COL25A1: variants seen among roughly 807,000 people sequenced by gnomAD.
The protein encoded by COL25A1 is collagen type XXV alpha 1 chain, also known as collagen alpha-1(XXV) chain.
Under a neutral mutation model 128.4 loss-of-function variants are expected in COL25A1, and 103 were observed. The observed-to-expected ratio is 0.80, with a 90% CI of 0.68 to 0.94. The LOEUF (loss-of-function observed/expected upper bound fraction) is 0.94, where lower values mean the gene tolerates loss of function less well. Among genes scored for constraint, COL25A1 ranks in the 40% least tolerant of loss-of-function variants. The pLI is 0.00. For missense variants in COL25A1, 745 were observed against 840.0 expected (o/e 0.89, Z 1.40); for synonymous variants, 279 against 277.2 (o/e 1.01, Z -0.06).
At chr4:108,999,427 C>T (rs529340869) in intron 6 of COL25A1, among the ~76,000 whole-genome samples, 28 of 152,340 alleles carry the variant, frequency 1.8e-4, no homozygotes, top group African/African-American at 6.0e-4. Flanking sequence ...TACCATCTCA[C>T]ACCAGTTAGA....
chr4:109,002,126 T>C (rs1425359), intron 6 of COL25A1, among the ~76,000 whole-genome samples: 122,155 of 152,194 alleles, frequency 0.8, 50,024 homozygotes, highest in East Asian at 1. Flanking sequence ...TCAATTAGTA[T>C]AACCATCATG....
intron 31 of COL25A1, among the ~76,000 whole-genome samples, chr4:108,840,373 C>T (rs1033017827): frequency 7.2e-5 from 11 of 152,086 alleles, no homozygotes; most frequent in Non-Finnish European, 1.0e-4. Flanking sequence ...TCTGACCCCC[C>T]CTCCCAGATA....
At chr4:108,890,606 T>G (rs1578673507) in intron 16 of COL25A1, among the ~76,000 whole-genome samples, 1 of 152,288 alleles carries the variant, frequency 6.6e-6, no homozygotes, top group Admixed American at 6.5e-5. Flanking sequence ...CTTCTAGCCC[T>G]CTCTGTCTCA....
chr4:109,070,360 ATCT>A (rs1024818038), intron 3 of COL25A1, among the ~76,000 whole-genome samples: 2 of 103,420 alleles, frequency 1.9e-5, no homozygotes, highest in African/African-American at 6.2e-5. Context: ...ACATTTTTTA[ATCT>A]TTTTTTTTTT....
intron 3 of COL25A1, among the ~76,000 whole-genome samples, chr4:109,112,694 T>C (rs1767141941): frequency 6.6e-6 from 1 of 152,108 alleles, no homozygotes; most frequent in African/African-American, 2.4e-5. Context: ...AAAGTAAATT[T>C]TATGTTTAAG....
intron 3 of COL25A1, among the ~76,000 whole-genome samples, chr4:109,093,659 T>C (rs890199350): frequency 1.6e-4 from 24 of 151,804 alleles, no homozygotes; most frequent in African/African-American, 5.8e-4. Flanking sequence ...AAAAAAAAGA[T>C]ACACACAGCC....
chr4:108,891,451 T>C (rs1741491320), intron 16 of COL25A1, among the ~76,000 whole-genome samples: 2 of 152,154 alleles, frequency 1.3e-5, no homozygotes, highest in Non-Finnish European at 2.9e-5. Flanking sequence ...ATAAAAAGAA[T>C]ATTTATTTCT....
intron 6 of COL25A1, among the ~76,000 whole-genome samples, chr4:108,996,350 A>C (rs1051129492): frequency 1.3e-5 from 2 of 152,096 alleles, no homozygotes; most frequent in Non-Finnish European, 1.5e-5. Flanking sequence ...GACAGACTTT[A>C]AAACAACAAA....
Position 109,297,336 on chromosome 4 carries a change from A to G in COL25A1, c.367+3247T>C. ...CTGCAATAGGCTATTTAAAATTGAAAAGGAGTCACATAATTAAGCTACTTC... is the reference window on the plus strand; with the variant it reads ...CTGCAATAGGCTATTTAAAATTGAAGAGGAGTCACATAATTAAGCTACTTC... On this transcript the variant is annotated intron_variant, in intron 3 of 37. Transcript: ENST00000399132. Among the ~76,000 whole-genome samples the G allele has an allele frequency of 1.3e-5, 2 of 152,120 alleles. 1 individual carries two copies. Among genetic ancestry groups the G allele is most frequent in the East Asian group, 3.8e-4 (2 of 5,196 alleles).
chr4:109,014,302 GTC>G, intron 5 of COL25A1, among the ~76,000 whole-genome samples: 1 of 110,064 alleles, frequency 9.1e-6, no homozygotes, highest in South Asian at 2.8e-4. Context: ...GTGACACTCT[GTC>G]TCAAAAAAAA....
chr4:109,100,988 T>C (rs950987271), intron 3 of COL25A1, among the ~76,000 whole-genome samples: 1 of 152,212 alleles, frequency 6.6e-6, no homozygotes, highest in African/African-American at 2.4e-5. Flanking sequence ...TAGCTAGCTA[T>C]TTCTGGTCTC....
intron 13 of COL25A1, among the ~76,000 whole-genome samples, chr4:108,910,020 G>C (rs932738374): frequency 1.3e-5 from 2 of 152,128 alleles, no homozygotes; most frequent in Non-Finnish European, 2.9e-5. Flanking sequence ...ACATATCTGG[G>C]GAGGGCCCAT....
At chr4:108,926,011 T>G (rs1325077444) in intron 11 of COL25A1, among the ~76,000 whole-genome samples, 2 of 152,188 alleles carry the variant, frequency 1.3e-5, no homozygotes, top group African/African-American at 2.4e-5. Context: ...AAAGAATGAC[T>G]CTGTGACCAT....
chr4:109,145,746 C>A (rs1473558681), intron 3 of COL25A1, among the ~76,000 whole-genome samples: 1 of 152,102 alleles, frequency 6.6e-6, no homozygotes, highest in Non-Finnish European at 1.5e-5. Context: ...GAGGCTGAAG[C>A]AGGAGAATCA....
At chr4:109,042,981 A>C (rs533365136) in intron 5 of COL25A1, among the ~76,000 whole-genome samples, 10 of 152,248 alleles carry the variant, frequency 6.6e-5, no homozygotes, top group African/African-American at 2.4e-4. Context: ...GTATCACTTA[A>C]AACTTACTTG....
chr4:108,905,729 A>G (rs1406075499), intron 13 of COL25A1, among the ~76,000 whole-genome samples: 3 of 152,070 alleles, frequency 2.0e-5, no homozygotes, highest in African/African-American at 7.2e-5. Context: ...AAAACCAAGG[A>G]AGGAGTACTA....
chr4:109,117,185 C>G (rs967871026), intron 3 of COL25A1, among the ~76,000 whole-genome samples: 4 of 151,998 alleles, frequency 2.6e-5, no homozygotes, highest in Admixed American at 2.6e-4. Context: ...CCACACTACA[C>G]CTAGGTATAC....
At chr4:108,956,730 T>G (rs561461987) in intron 8 of COL25A1, among the ~76,000 whole-genome samples, 21 of 152,136 alleles carry the variant, frequency 1.4e-4, no homozygotes, top group Non-Finnish European at 2.8e-4. Context: ...AATGAAACAG[T>G]CCTCTCAAAC....
At chr4:109,091,562 A>G (rs542086405) in intron 3 of COL25A1, among the ~76,000 whole-genome samples, 2 of 152,212 alleles carry the variant, frequency 1.3e-5, no homozygotes, top group East Asian at 3.9e-4. Flanking sequence ...ATACAAACCC[A>G]CAACACCTAA....
Sources: allele counts gnomAD v4.1 joint callset (sites outside exome capture counted in the v4.1 genomes callset), GRCh38; gene constraint gnomAD v4.1.1; transcripts MANE v1.5; gene names NCBI Gene and HGNC (gene_info 2026-07-23, HGNC 2026-07-21).